The following PCDH9 variants were observed in gnomAD, a reference collection of about 807,000 sequenced individuals.
PCDH9 encodes protocadherin 9.
A neutral mutation model predicts 70.6 loss-of-function variants in PCDH9; 24 were observed. The observed-to-expected ratio is 0.34, with a 90% CI of 0.25 to 0.48. The LOEUF (loss-of-function observed/expected upper bound fraction) is 0.48, where lower values mean the gene tolerates loss of function less well. Ranked by LOEUF, PCDH9 falls within the 20% of genes least tolerant of loss-of-function variation. The pLI, the probability that PCDH9 is intolerant of heterozygous loss-of-function variation, is 0.99. For missense variants in PCDH9, 1,281 were observed against 1,503.6 expected, an observed-to-expected ratio of 0.85 and a Z score of 2.45; for synonymous variants, 562 against 558.5, an observed-to-expected ratio of 1.01 and a Z score of -0.09.
At chr13:66,445,081 CATATATAATATT>C (rs956264535) in intron 4 of PCDH9, among the ~76,000 whole-genome samples, 18 of 145,928 alleles carry the variant, frequency 1.2e-4, no homozygotes, top group Non-Finnish European at 2.5e-4. Flanking sequence ...TTATATCTAT[CATATATAATATT>C]ATATATAATG....
intron 2 of PCDH9, among the ~76,000 whole-genome samples, chr13:67,082,211 ACT>A (rs1236621323): frequency 6.6e-6 from 1 of 152,188 alleles, no homozygotes; most frequent in Non-Finnish European, 1.5e-5. Flanking sequence ...ATATTGCATA[ACT>A]GAAAATTTGT....
chr13:67,034,433 C>G (rs1336190997), intron 2 of PCDH9, among the ~76,000 whole-genome samples: 1 of 152,146 alleles, frequency 6.6e-6, no homozygotes, highest in Non-Finnish European at 1.5e-5. Context: ...ATGCCTACGC[C>G]ATTCATACTA....
intron 3 of PCDH9, among the ~76,000 whole-genome samples, chr13:66,793,557 T>A (rs192825922): frequency 3.1e-3 from 471 of 152,312 alleles, no homozygotes; most frequent in Admixed American, 4.2e-3. Flanking sequence ...TCAACATTTA[T>A]GACGTATTTA....
At chr13:66,998,439 C>T (rs1037216239) in intron 2 of PCDH9, among the ~76,000 whole-genome samples, 3 of 152,196 alleles carry the variant, frequency 2.0e-5, no homozygotes, top group Non-Finnish European at 2.9e-5. Context: ...TCTGTACTCT[C>T]ACAATCCTAC....
In PCDH9 at chr13:66,628,436, T is replaced by C. The variant is rs570153978; in HGVS notation, c.3340+2774A>G. 5.3e-5 allele frequency among the ~76,000 whole-genome samples: 8 copies of C among 152,352 alleles called. No homozygotes were observed. The South Asian group carries it at 1.7e-3, about 32-fold the overall frequency. Reference sequence around the variant, plus strand: ...ATACATTTGCCTTTAATTTAGAATTTACTATTTCTAAAAACTAAGCTAGAA... The same window carrying C: ...ATACATTTGCCTTTAATTTAGAATTCACTATTTCTAAAAACTAAGCTAGAA... On this transcript the variant is annotated intron_variant, in intron 4 of 4. Coordinates refer to ENST00000377865, the MANE Select transcript of PCDH9 (RefSeq NM_203487.3).
At chr13:67,135,774 A>G (rs2087218683) in intron 2 of PCDH9, among the ~76,000 whole-genome samples, 1 of 152,176 alleles carries the variant, frequency 6.6e-6, no homozygotes, top group Admixed American at 6.6e-5. Flanking sequence ...GTACATTTGC[A>G]AAGTGAAGAG....
At chr13:66,545,491 TAC>T (rs534453785) in intron 4 of PCDH9, among the ~76,000 whole-genome samples, 2 of 152,332 alleles carry the variant, frequency 1.3e-5, no homozygotes, top group South Asian at 4.2e-4. Context: ...TTACAAATTA[TAC>T]ACTTATTGTC....
intron 4 of PCDH9, among the ~76,000 whole-genome samples, chr13:66,377,842 C>T (rs1369021894): frequency 3.9e-5 from 6 of 152,100 alleles, no homozygotes; most frequent in Non-Finnish European, 1.5e-5. Context: ...TCTATATGTC[C>T]GTCATTCTTT....
chr13:67,226,182 G>A lies in PCDH9; in HGVS notation c.2259C>T (p.Val753=), dbSNP rs1202119756. 1.2e-6 allele frequency: 2 copies of A among 1,614,086 alleles called. No individual in the cohort carries two copies. The highest frequency in any genetic ancestry group is 4.5e-5 in the East Asian group (2 of 44,864). ...PTDVGLHRLV[V]NISDLGYPKS... ...TAGGGTACCCCAGGTCACTTATGTT[G>A]ACCACCAAACGATGCAATCCCACAT... Residue 753 remains valine, a synonymous_variant, in exon 2 of 5, where the codon GTC becomes GTT. Transcript: ENST00000377865. The surrounding 1 kb of genome is among the most constrained non-coding windows in gnomAD (Gnocchi z 5.0).
At chr13:67,187,192 C>T (rs1228977782) in intron 2 of PCDH9, among the ~76,000 whole-genome samples, 2 of 152,174 alleles carry the variant, frequency 1.3e-5, no homozygotes, top group African/African-American at 4.8e-5. Flanking sequence ...ACACACCCAA[C>T]GACTTAAAAC....
chr13:66,662,156 A>G (rs2078018356), intron 3 of PCDH9, among the ~76,000 whole-genome samples: 1 of 152,058 alleles, frequency 6.6e-6, no homozygotes, highest in Non-Finnish European at 1.5e-5. Context: ...AATATCAAGT[A>G]TATCAAAGAT....
intron 2 of PCDH9, among the ~76,000 whole-genome samples, chr13:67,111,589 A>G (rs1594526968): frequency 2.0e-5 from 3 of 152,332 alleles, no homozygotes; most frequent in African/African-American, 7.2e-5. Context: ...TCACTGTTAC[A>G]TTACTTATTT....
chr13:67,106,960 A>G (rs1012314305), intron 2 of PCDH9, among the ~76,000 whole-genome samples: 1 of 152,190 alleles, frequency 6.6e-6, no homozygotes, highest in Non-Finnish European at 1.5e-5. Context: ...GAGCAAGGCC[A>G]AGGTGGGGCT....
At chr13:66,468,942 A>G (rs1317384321) in intron 4 of PCDH9, among the ~76,000 whole-genome samples, 1 of 152,146 alleles carries the variant, frequency 6.6e-6, no homozygotes, top group Non-Finnish European at 1.5e-5. Flanking sequence ...TTTGGCCAAA[A>G]TATATTCAAA....
chr13:67,073,135 A>T (rs746109426), intron 2 of PCDH9, among the ~76,000 whole-genome samples: 9 of 152,182 alleles, frequency 5.9e-5, no homozygotes, highest in Non-Finnish European at 1.3e-4. Context: ...GTTACGTGGT[A>T]TATATGTCCA....
intron 2 of PCDH9, among the ~76,000 whole-genome samples, chr13:66,998,836 A>G (rs1028751830): frequency 2.0e-5 from 3 of 152,132 alleles, no homozygotes; most frequent in Non-Finnish European, 2.9e-5. Flanking sequence ...TCTTCAATTC[A>G]TTCTTTCTAA....
chr13:66,870,951 C>A (rs1368015192), intron 3 of PCDH9, among the ~76,000 whole-genome samples: 2 of 152,070 alleles, frequency 1.3e-5, no homozygotes, highest in Non-Finnish European at 2.9e-5. Context: ...ATGTTTACTG[C>A]GGCACTATTC....
chr13:66,940,677 T>A (rs1308736761), intron 2 of PCDH9, among the ~76,000 whole-genome samples: 1 of 151,948 alleles, frequency 6.6e-6, no homozygotes, highest in Non-Finnish European at 1.5e-5. Flanking sequence ...TAAGTTTACT[T>A]TTTTGTCAAA....
intron 4 of PCDH9, among the ~76,000 whole-genome samples, chr13:66,415,816 A>G (rs1239831435): frequency 1.3e-5 from 2 of 152,358 alleles, no homozygotes; most frequent in African/African-American, 2.4e-5. Context: ...CTAAAAGACA[A>G]AAAGTGTAAA....
Sources: allele counts gnomAD v4.1 joint callset (sites outside exome capture counted in the v4.1 genomes callset), GRCh38; gene constraint gnomAD v4.1.1; non-coding constraint Gnocchi (gnomAD v3.1); transcripts MANE v1.5; gene names NCBI Gene and HGNC (gene_info 2026-07-23, HGNC 2026-07-21).